Variants in RBFOX1 observed in about 807,000 individuals in gnomAD.
RBFOX1 encodes RNA binding fox-1 homolog 1.
Under a neutral mutation model 57.7 loss-of-function variants are expected in RBFOX1, and 8 were observed. The ratio of observed to expected loss-of-function variants is 0.14; its 90% CI spans 0.08 to 0.25. The LOEUF is 0.25. Among genes scored for constraint, RBFOX1 ranks in the 10% least tolerant of loss-of-function variants. RBFOX1 has a pLI of 1.00. For synonymous variants in RBFOX1, 326 were observed against 222.4 expected, an observed-to-expected ratio of 1.47 and a Z score of -4.15; for missense variants, 611 against 548.5, an observed-to-expected ratio of 1.11 and a Z score of -1.14.
chr16:5,283,879 G>C (rs1488106651), intron 1 of RBFOX1, among the ~76,000 whole-genome samples: 1 of 151,982 alleles, frequency 6.6e-6, no homozygotes, highest in Non-Finnish European at 1.5e-5. Context: ...TGTTGGGAAG[G>C]CATGATTGGT....
intron 3 of RBFOX1, among the ~76,000 whole-genome samples, chr16:6,742,307 A>C (rs1165477879): frequency 6.6e-6 from 1 of 152,188 alleles, no homozygotes; most frequent in Admixed American, 6.5e-5. Context: ...CATGTTAAAC[A>C]GGTAAAATTT....
chr16:7,417,819 T>C (rs1266057436), intron 4 of RBFOX1, among the ~76,000 whole-genome samples: 1 of 152,194 alleles, frequency 6.6e-6, no homozygotes, highest in Non-Finnish European at 1.5e-5. Context: ...GCAGAATTAG[T>C]CCTCACACAG....
At chr16:7,524,792 T>C (rs2078306526) in intron 5 of RBFOX1, among the ~76,000 whole-genome samples, 1 of 152,226 alleles carries the variant, frequency 6.6e-6, no homozygotes, top group Non-Finnish European at 1.5e-5. Context: ...GATAAGGTAT[T>C]GGTTGGTGAT....
chr16:6,875,802 C>G (rs1486741879), intron 3 of RBFOX1, among the ~76,000 whole-genome samples: 1 of 152,056 alleles, frequency 6.6e-6, no homozygotes, highest in South Asian at 2.1e-4. Context: ...GCCAGGAGTT[C>G]AAGACCAGTC....
At chr16:5,338,603 A>C (rs2064956902) in intron 1 of RBFOX1, among the ~76,000 whole-genome samples, 1 of 152,316 alleles carries the variant, frequency 6.6e-6, no homozygotes. Flanking sequence ...AGATGCATAG[A>C]CTAGCCAATT....
intron 2 of RBFOX1, among the ~76,000 whole-genome samples, chr16:5,468,645 T>G (rs1346331476): frequency 1.3e-5 from 2 of 152,148 alleles, no homozygotes; most frequent in Non-Finnish European, 2.9e-5. Context: ...AAAGGAGAAA[T>G]AGCTGACATG....
intron 1 of RBFOX1, chr16:5,467,196 CTTTT>C: frequency 9.5e-7 from 1 of 1,057,730 alleles, no homozygotes; most frequent in Non-Finnish European, 1.3e-6. Context: ...CTCTCTCTCT[CTTTT>C]TTTTTTTTAA....
chr16:6,494,972 TCTTA>T (rs1196477286), intron 2 of RBFOX1, among the ~76,000 whole-genome samples: 1 of 152,136 alleles, frequency 6.6e-6, no homozygotes, highest in African/African-American at 2.4e-5. Flanking sequence ...GTACTACTGT[TCTTA>T]CTTATGGAGG....
chr16:6,545,527 A>G (rs955946964), intron 2 of RBFOX1, among the ~76,000 whole-genome samples: 1 of 152,140 alleles, frequency 6.6e-6, no homozygotes, highest in Non-Finnish European at 1.5e-5. Context: ...TCACTTGGCA[A>G]GGTCCACTCT....
intron 7 of RBFOX1, among the ~76,000 whole-genome samples, chr16:7,591,930 C>A (rs543527665): frequency 6.6e-6 from 1 of 152,156 alleles, no homozygotes; most frequent in African/African-American, 2.4e-5. Flanking sequence ...GGCACCTGTG[C>A]ATCGTGGCAA....
chr16:6,203,688 A>G (rs1305853570), intron 1 of RBFOX1, among the ~76,000 whole-genome samples: 3 of 152,218 alleles, frequency 2.0e-5, no homozygotes, highest in African/African-American at 7.2e-5. Context: ...CCCCCCAAAC[A>G]GATGATAACA....
intron 3 of RBFOX1, among the ~76,000 whole-genome samples, chr16:5,840,531 C>T (rs889756598): frequency 6.6e-6 from 1 of 152,172 alleles, no homozygotes; most frequent in Non-Finnish European, 1.5e-5. Context: ...CACAGCTCCC[C>T]CACTGCCATC....
At chr16:6,628,023 T>G (rs913164887) in intron 2 of RBFOX1, among the ~76,000 whole-genome samples, 10 of 152,326 alleles carry the variant, frequency 6.6e-5, no homozygotes, top group Admixed American at 5.2e-4. Context: ...TGTCTCCAAG[T>G]GTGCAAAGGA....
chr16:7,706,239 G>T (rs2082396326), intron 14 of RBFOX1, among the ~76,000 whole-genome samples: 1 of 152,168 alleles, frequency 6.6e-6, no homozygotes, highest in African/African-American at 2.4e-5. Context: ...GAGCTGACAT[G>T]ATCTCTTTTC....
intron 3 of RBFOX1, among the ~76,000 whole-genome samples, chr16:6,675,856 G>A (rs2057546746): frequency 6.6e-6 from 1 of 152,108 alleles, no homozygotes; most frequent in African/African-American, 2.4e-5. Context: ...AATAATGGGA[G>A]CTACAGTTCA....
At chr16:7,157,565 C>G (rs74009266) in intron 4 of RBFOX1, among the ~76,000 whole-genome samples, 22,332 of 151,806 alleles carry the variant, frequency 0.15, 1,847 homozygotes, top group East Asian at 0.33. Flanking sequence ...TAGCTTAAGT[C>G]CAGGCACGTG....
intron 4 of RBFOX1, among the ~76,000 whole-genome samples, chr16:7,415,789 T>C (rs534858420): frequency 3.1e-5 from 2 of 64,164 alleles, no homozygotes; most frequent in South Asian, 9.4e-4. Context: ...AATAAGAGTA[T>C]ATATATATCT....
intron 4 of RBFOX1, among the ~76,000 whole-genome samples, chr16:7,294,830 T>C (rs1208830158): frequency 2.0e-5 from 3 of 152,324 alleles, no homozygotes; most frequent in Middle Eastern, 6.8e-3. Flanking sequence ...GCAGCATCTC[T>C]ACTGCTGTTT....
At chr16:6,980,099 A>G (rs764608736) in intron 3 of RBFOX1, among the ~76,000 whole-genome samples, 4 of 152,184 alleles carry the variant, frequency 2.6e-5, no homozygotes, top group Non-Finnish European at 5.9e-5. Context: ...AGTGTAGTAG[A>G]ACAGTCACAG....
Sources: allele counts gnomAD v4.1 joint callset (sites outside exome capture counted in the v4.1 genomes callset), GRCh38; gene constraint gnomAD v4.1.1; transcripts MANE v1.5; gene names NCBI Gene and HGNC (gene_info 2026-07-23, HGNC 2026-07-21).